Variants in SETBP1 observed in about 807,000 individuals in gnomAD.
SETBP1 encodes the protein SET binding protein 1.
In SETBP1, 9 loss-of-function variants were observed where a neutral mutation model predicts 101.0. The observed-to-expected ratio is 0.09, with a 90% CI of 0.05 to 0.16. The LOEUF is 0.16. SETBP1 is among the 10% of genes least tolerant of loss of function. The pLI is 1.00. For synonymous variants in SETBP1, 818 were observed against 788.5 expected (o/e 1.04, Z -0.63); for missense variants, 1,858 against 2,033.8 (o/e 0.91, Z 1.66).
intron 2 of SETBP1, among the ~76,000 whole-genome samples, chr18:44,721,769 C>A (rs1026353701): frequency 2.0e-5 from 3 of 152,084 alleles, no homozygotes; most frequent in Non-Finnish European, 2.9e-5. Flanking sequence ...TGCATATGGC[C>A]ATGAGGGGGA....
At chr18:44,700,929 T>C (rs532057768) in intron 1 of SETBP1, among the ~76,000 whole-genome samples, 1 of 152,304 alleles carries the variant, frequency 6.6e-6, no homozygotes, top group African/African-American at 2.4e-5. Flanking sequence ...ACCTCTTATC[T>C]TTATTCTTGG....
At chr18:44,900,831 C>G (rs921584969) in intron 3 of SETBP1, among the ~76,000 whole-genome samples, 1 of 152,158 alleles carries the variant, frequency 6.6e-6, no homozygotes, top group Non-Finnish European at 1.5e-5. Context: ...AGGGCTGCCA[C>G]AACCACCAGT....
chr18:44,806,766 G>C (rs1000583985), intron 2 of SETBP1, among the ~76,000 whole-genome samples: 1 of 148,870 alleles, frequency 6.7e-6, no homozygotes, highest in African/African-American at 2.5e-5. Context: ...TTAATTCCTG[G>C]ACTCAAGCAA....
At chr18:44,939,387 A>T (rs1274971551) in intron 3 of SETBP1, among the ~76,000 whole-genome samples, 12 of 151,988 alleles carry the variant, frequency 7.9e-5, no homozygotes, top group Non-Finnish European at 4.4e-5. Context: ...CAGCATGATT[A>T]TGTGTATGTG....
At chr18:44,715,343 G>C (rs977350246) in intron 2 of SETBP1, among the ~76,000 whole-genome samples, 2 of 152,050 alleles carry the variant, frequency 1.3e-5, no homozygotes, top group African/African-American at 4.8e-5. Flanking sequence ...TGATGGGCTG[G>C]CAGCAGCACA....
At chr18:44,992,437 G>A (rs1323826351) in intron 4 of SETBP1, among the ~76,000 whole-genome samples, 6 of 151,994 alleles carry the variant, frequency 3.9e-5, no homozygotes, top group Middle Eastern at 3.4e-3. Flanking sequence ...TAAAATTATG[G>A]CAATAATAGT....
At chr18:44,929,868 A>C (rs538374389) in intron 3 of SETBP1, among the ~76,000 whole-genome samples, 185 of 152,322 alleles carry the variant, frequency 1.2e-3, no homozygotes, top group African/African-American at 4.3e-3. Context: ...ATATACAATC[A>C]TGTCATCTGC....
chr18:45,022,670 A>G (rs1040702694), intron 4 of SETBP1, among the ~76,000 whole-genome samples: 2 of 152,152 alleles, frequency 1.3e-5, no homozygotes, highest in Non-Finnish European at 2.9e-5. Flanking sequence ...TCTCTACTAA[A>G]AATACAAAAA....
intron 5 of SETBP1, among the ~76,000 whole-genome samples, chr18:45,054,763 GCCACTGTCATTATCTGTCCAAAGTC>G (rs1325328341): frequency 6.6e-6 from 1 of 152,046 alleles, no homozygotes; most frequent in African/African-American, 2.4e-5. Flanking sequence ...GGAATGAGTC[GCCACTGTCATTATCTGTCCAAAGTC>G]CCAGGTGGTT....
chr18:44,896,756 C>A (rs973204984), intron 3 of SETBP1, among the ~76,000 whole-genome samples: 1 of 152,160 alleles, frequency 6.6e-6, no homozygotes, highest in Non-Finnish European at 1.5e-5. Flanking sequence ...CCACACCCAG[C>A]CCTACATCCA....
chr18:44,743,712 C>T (rs957843780), intron 2 of SETBP1, among the ~76,000 whole-genome samples: 4 of 152,106 alleles, frequency 2.6e-5, no homozygotes, highest in African/African-American at 9.7e-5. Flanking sequence ...CTCTTTTTTT[C>T]TACTAGTTGT....
At chr18:45,011,574 C>T (rs750008020) in intron 4 of SETBP1, among the ~76,000 whole-genome samples, 3 of 152,226 alleles carry the variant, frequency 2.0e-5, no homozygotes, top group African/African-American at 7.2e-5. Context: ...GATTTACACA[C>T]AGGTGTAGCC....
At chr18:44,756,328 C>T (rs1431319490) in intron 2 of SETBP1, among the ~76,000 whole-genome samples, 1 of 152,124 alleles carries the variant, frequency 6.6e-6, no homozygotes, top group Non-Finnish European at 1.5e-5. Flanking sequence ...GTGAGAAGTG[C>T]TATGCGGTTT....
chr18:45,016,661 G>A (rs1599451857), intron 4 of SETBP1, among the ~76,000 whole-genome samples: 1 of 151,896 alleles, frequency 6.6e-6, no homozygotes, highest in Non-Finnish European at 1.5e-5. Flanking sequence ...AATGAATCTG[G>A]CCTGTGCTAC....
At chr18:44,980,459 C>T (rs747190879) in intron 4 of SETBP1, among the ~76,000 whole-genome samples, 1 of 151,544 alleles carries the variant, frequency 6.6e-6, no homozygotes, top group Non-Finnish European at 1.5e-5. Context: ...CAAGTAGTTT[C>T]TCTGATTCGC....
At chr18:44,934,488 G>A (rs1344858356) in intron 3 of SETBP1, among the ~76,000 whole-genome samples, 1 of 152,140 alleles carries the variant, frequency 6.6e-6, no homozygotes, top group East Asian at 1.9e-4. Flanking sequence ...TAAGTAACGA[G>A]CCTCAGTTCT....
intron 2 of SETBP1, among the ~76,000 whole-genome samples, chr18:44,868,707 GAAGGGAGGAAGGAA>G (rs1434059003): frequency 2.1e-4 from 1 of 4,868 alleles, no homozygotes; most frequent in African/African-American, 7.2e-4. Context: ...AGGACGGAAG[GAAGGGAGGAAGGAA>G]GGAAGGAAGG....
intron 2 of SETBP1, among the ~76,000 whole-genome samples, chr18:44,744,099 C>T (rs369497586): frequency 2.6e-4 from 40 of 152,230 alleles, no homozygotes; most frequent in African/African-American, 7.7e-4. Flanking sequence ...TCCACTCTGC[C>T]ATTGCTGGCG....
At chr18:44,981,545 T>C (rs911198731) in intron 4 of SETBP1, among the ~76,000 whole-genome samples, 1 of 152,224 alleles carries the variant, frequency 6.6e-6, no homozygotes, top group African/African-American at 2.4e-5. Context: ...TTGCACAATA[T>C]AGAGTTGTTT....
Sources: gnomAD v4.1 joint callset for allele counts (sites outside exome capture counted in the v4.1 genomes callset) on GRCh38, gnomAD v4.1.1 for gene constraint, MANE v1.5 for transcripts, NCBI Gene and HGNC (gene_info 2026-07-23, HGNC 2026-07-21) for gene names.